SGCD: variants seen among roughly 807,000 people sequenced by gnomAD.
The protein encoded by SGCD is delta-sarcoglycan.
A neutral mutation model predicts 36.6 loss-of-function variants in SGCD; 18 were observed. That is an observed-to-expected ratio of 0.49 (90% CI 0.34 to 0.73). The LOEUF (loss-of-function observed/expected upper bound fraction) is 0.73, where lower values mean the gene tolerates loss of function less well. Among genes scored for constraint, SGCD ranks in the 30% least tolerant of loss-of-function variants. The probability of loss-of-function intolerance (pLI) is 0.01; values close to 1 mark genes in which losing one functional copy is unlikely to be tolerated. For missense variants in SGCD, 387 were observed against 346.7 expected (o/e 1.12, Z -0.92); for synonymous variants, 133 against 130.6 (o/e 1.02, Z -0.12).
At chr5:155,800,587 A>AT in the SGCD span, among the ~76,000 whole-genome samples, 123,082 of 151,278 alleles carry the variant, frequency 0.81, 50,185 homozygotes, top group East Asian at 0.95. Context: ...TGCTTATAAC[A>AT]TTTTTTTTTC....
chr5:156,759,183 G>T, intron 8 of SGCD, 34 bp from the exon 9 acceptor site: 6 of 1,579,310 alleles, frequency 3.8e-6, no homozygotes, highest in Non-Finnish European at 5.2e-6. Flanking sequence ...GACAGCCTCT[G>T]ACCAATGCTT....
intron 7 of SGCD, among the ~76,000 whole-genome samples, chr5:156,751,050 C>T (rs985572807): frequency 1.3e-5 from 2 of 152,106 alleles, no homozygotes; most frequent in African/African-American, 2.4e-5. Flanking sequence ...ACCCAAGAAT[C>T]GCTAAGACAT....
intron 3 of SGCD, among the ~76,000 whole-genome samples, chr5:156,473,658 G>T (rs2127830410): frequency 6.6e-6 from 1 of 152,210 alleles, no homozygotes; most frequent in Non-Finnish European, 1.5e-5. Flanking sequence ...CTGTATCAGT[G>T]GCTCTCAAAC....
intron 3 of SGCD, among the ~76,000 whole-genome samples, chr5:156,269,541 C>A (rs1315933367): frequency 7.8e-6 from 1 of 128,126 alleles, no homozygotes; most frequent in Admixed American, 8.5e-5. Flanking sequence ...TATTCACTAT[C>A]ATGAGGATAG....
At chr5:156,201,472 C>T (rs944811250) in intron 3 of SGCD, among the ~76,000 whole-genome samples, 2 of 152,158 alleles carry the variant, frequency 1.3e-5, no homozygotes, top group African/African-American at 4.8e-5. Flanking sequence ...AACACAATGT[C>T]AAGATGTCTT....
chr5:156,310,829 C>T (rs1251615737), intron 3 of SGCD, among the ~76,000 whole-genome samples: 1 of 152,116 alleles, frequency 6.6e-6, no homozygotes, highest in Non-Finnish European at 1.5e-5. Flanking sequence ...AATTTCACTT[C>T]CCTGGTAAGA....
Position 156,052,773 on chromosome 5 carries a change from C to G in SGCD, c.-281-65105C>G, listed in dbSNP as rs775565660. On this transcript the variant is annotated intron_variant, in intron 1 of 9. Transcript: ENST00000517913. ...AAACTGTTTGCTTTCTTCCATGTCT[C>G]TCTTGCCATCTGTCATGATGGTGTT... 5.2e-4 allele frequency among the ~76,000 whole-genome samples: 76 copies of G among 146,112 alleles called. 13 individuals are homozygous for G. The highest frequency in any genetic ancestry group is 9.9e-4 in the Non-Finnish European group (64 of 64,892).
chr5:156,631,339 T>C (rs1395528064), intron 6 of SGCD, among the ~76,000 whole-genome samples: 1 of 152,112 alleles, frequency 6.6e-6, no homozygotes, highest in Admixed American at 6.6e-5. Flanking sequence ...AATCGAAGAA[T>C]CAACTGGCAT....
At chr5:156,597,480 C>G (rs1474161322) in intron 6 of SGCD, among the ~76,000 whole-genome samples, 1 of 152,166 alleles carries the variant, frequency 6.6e-6, no homozygotes, top group African/African-American at 2.4e-5. Context: ...TTTATGCAAC[C>G]ATCAGATCTC....
At chr5:155,852,009 C>T in the SGCD span, among the ~76,000 whole-genome samples, 3 of 152,162 alleles carry the variant, frequency 2.0e-5, no homozygotes, top group Non-Finnish European at 4.4e-5. Flanking sequence ...CAGCTGCTAG[C>T]GCAGAGCCTG....
At chr5:155,926,224 AC>A (rs1285363416) in intron 1 of SGCD, among the ~76,000 whole-genome samples, 3 of 152,152 alleles carry the variant, frequency 2.0e-5, no homozygotes, top group Non-Finnish European at 4.4e-5. Context: ...ATACTGTTCA[AC>A]CCACTATTTC....
chr5:156,628,277 G>C (rs1221990032), intron 6 of SGCD, among the ~76,000 whole-genome samples: 2 of 152,134 alleles, frequency 1.3e-5, no homozygotes, highest in Non-Finnish European at 2.9e-5. Flanking sequence ...CTCCAACATT[G>C]AGGATTGCAA....
chr5:156,437,996 G>T (rs1030432419), intron 3 of SGCD, among the ~76,000 whole-genome samples: 1 of 152,104 alleles, frequency 6.6e-6, no homozygotes, highest in South Asian at 2.1e-4. Flanking sequence ...GGGATTGAAG[G>T]CTTATGCCTA....
chr5:155,741,502 G>A, the SGCD span, among the ~76,000 whole-genome samples: 2 of 152,024 alleles, frequency 1.3e-5, no homozygotes, highest in African/African-American at 4.8e-5. Flanking sequence ...AGTCAGGTTG[G>A]AATTTGGTAT....
chr5:155,936,855 C>T (rs572742377), intron 1 of SGCD, among the ~76,000 whole-genome samples: 4 of 152,342 alleles, frequency 2.6e-5, no homozygotes, highest in African/African-American at 4.8e-5. Flanking sequence ...CTCAGTCTCC[C>T]TCCCATGCTC....
At chr5:156,126,878 ATTC>A (rs560715159) in intron 3 of SGCD, among the ~76,000 whole-genome samples, 1 of 152,222 alleles carries the variant, frequency 6.6e-6, no homozygotes, top group East Asian at 1.9e-4. Flanking sequence ...AGGCATGCAA[ATTC>A]TTCATTTCCC....
chr5:156,426,639 GC>G (rs1301617613), intron 3 of SGCD, among the ~76,000 whole-genome samples: 1 of 151,992 alleles, frequency 6.6e-6, no homozygotes, highest in African/African-American at 2.4e-5. Context: ...TTCTGCCTAA[GC>G]CAGTGTCTAG....
chr5:155,974,140 C>T (rs1758062172), intron 1 of SGCD, among the ~76,000 whole-genome samples: 1 of 152,050 alleles, frequency 6.6e-6, no homozygotes, highest in Admixed American at 6.6e-5. Context: ...GAATATTTTT[C>T]AAGCAGTTAC....
intron 3 of SGCD, among the ~76,000 whole-genome samples, chr5:156,170,378 G>C (rs1389739025): frequency 3.3e-5 from 5 of 152,196 alleles, no homozygotes; most frequent in Non-Finnish European, 4.4e-5. Flanking sequence ...GTCCACCTGA[G>C]TTGTAATGGG....
Sources: gnomAD v4.1 joint callset for allele counts (sites outside exome capture counted in the v4.1 genomes callset) on GRCh38, gnomAD v4.1.1 for gene constraint, MANE v1.5 for transcripts, NCBI Gene and HGNC (gene_info 2026-07-23, HGNC 2026-07-21) for gene names.